DIPK2A: variants seen among roughly 807,000 people sequenced by gnomAD.
DIPK2A encodes divergent protein kinase domain 2A.
Under a neutral mutation model 39.0 loss-of-function variants are expected in DIPK2A, and 27 were observed. That is an observed-to-expected ratio of 0.69 (90% CI 0.51 to 0.96). The LOEUF is 0.96. Ranked by LOEUF, DIPK2A falls within the 40% of genes least tolerant of loss-of-function variation. The pLI, the probability that DIPK2A is intolerant of heterozygous loss-of-function variation, is 0.00. For synonymous variants in DIPK2A, 298 were observed against 240.8 expected, an observed-to-expected ratio of 1.24 and a Z score of -2.20; for missense variants, 528 against 571.3, an observed-to-expected ratio of 0.92 and a Z score of 0.77.
At chr3:143,988,256 G>A (rs2087933156) in intron 2 of DIPK2A, among the ~76,000 whole-genome samples, 1 of 151,968 alleles carries the variant, frequency 6.6e-6, no homozygotes, top group Non-Finnish European at 1.5e-5. Flanking sequence ...ATACCACCAT[G>A]CCTGGCTAAT....
chr3:143,985,867 T>A, intron 2 of DIPK2A, 21 bp downstream of exon 2: 1 of 1,552,362 alleles, frequency 6.4e-7, no homozygotes, highest in Non-Finnish European at 8.7e-7. Context: ...AATTTTAGAT[T>A]TTTTTCTACT....
At chr3:143,980,390 C>T (rs942810998) in intron 1 of DIPK2A, among the ~76,000 whole-genome samples, 1 of 152,118 alleles carries the variant, frequency 6.6e-6, no homozygotes, top group Non-Finnish European at 1.5e-5. Context: ...GCCTCAGCCT[C>T]CCGAGTAGCT....
At chr3:143,975,001 C>G (rs2087709332) in intron 1 of DIPK2A, among the ~76,000 whole-genome samples, 1 of 152,018 alleles carries the variant, frequency 6.6e-6, no homozygotes, top group Non-Finnish European at 1.5e-5. Flanking sequence ...TTTATCTGTT[C>G]TCATCTTTAG....
At chr3:143,978,376 A>T (rs1240362645) in intron 1 of DIPK2A, 1 of 152,314 alleles carries the variant, frequency 6.6e-6, no homozygotes, top group Non-Finnish European at 1.5e-5. Context: ...AGGTGATAGG[A>T]AGTTGTCTGT....
In DIPK2A at chr3:143,989,593, ATTCT is replaced by A; in HGVS notation, c.1048_1051del (p.Leu350ValfsTer72). 1 of 1,614,224 alleles carries A rather than the reference ATTCT, an allele frequency of 6.2e-7. No individual in the cohort carries two copies. The highest frequency in any genetic ancestry group is 8.5e-7 in the Non-Finnish European group (1 of 1,180,034). Reference sequence around the variant, plus strand: ...GGCTTGCTTATCATTTTCAAAAGAAATTCTTTGTGCTCGTGCCACTGTGGACCAC... The same window carrying A: ...GGCTTGCTTATCATTTTCAAAAGAAATTGTGCTCGTGCCACTGTGGACCAC... On this transcript the variant is annotated frameshift_variant, in exon 3 of 3. Transcript: ENST00000315691. LOFTEE classifies it high-confidence loss of function.
rs1312562351 is a variant in DIPK2A at position 143,990,476 on chromosome 3, C to T, written c.*635C>T. ...AGCTAAATATTACATTATGTAAATA[C>T]TTCTTTTCACCAACTTCTGTAGTTT... On this transcript the variant is annotated 3_prime_UTR_variant, in exon 3 of 3. Coordinates refer to ENST00000315691, the MANE Select transcript of DIPK2A (RefSeq NM_173552.5). 3.6e-5 allele frequency: 5 copies of T among 140,656 alleles called. No homozygotes were observed. The highest frequency in any genetic ancestry group is 7.2e-5 in the Admixed American group (1 of 13,814). The allele number at this position is 140,656 out of a possible 1,614,324, so 8.7% of individuals were successfully genotyped here.
At chr3:143,975,187 A>G (rs369353131) in intron 1 of DIPK2A, among the ~76,000 whole-genome samples, 18 of 152,258 alleles carry the variant, frequency 1.2e-4, no homozygotes, top group East Asian at 7.7e-4. Flanking sequence ...TTTTTAATTT[A>G]CACAACCCAG....
In DIPK2A at chr3:143,972,317, C is replaced by A; in HGVS notation, c.-16C>A. 1.5e-6 allele frequency: 2 copies of A among 1,346,748 alleles called. No individual in the cohort carries two copies. Among genetic ancestry groups the A allele is most frequent in the Non-Finnish European group, 9.5e-7 (1 of 1,054,318 alleles). 83.4% of individuals were successfully genotyped at this position (1,346,748 alleles called of 1,614,324 possible). A position where few individuals can be genotyped will look rare whatever the true frequency, so the allele number is the denominator to read the frequency against. ...CGGGGGTGCCCTCGCCCTCCCGTTG[C>A]GGGCGGGCGGGCGGTATGTGGCGCC... On this transcript the variant is annotated 5_prime_UTR_variant, in exon 1 of 3. Transcript: ENST00000315691.
intron 1 of DIPK2A, chr3:143,973,254 G>C (rs2087684350): frequency 2.5e-6 from 3 of 1,205,366 alleles, no homozygotes; most frequent in Non-Finnish European, 3.5e-6. Context: ...ACGCCAGAGG[G>C]AGTGCGTCTC....
At chr3:143,977,194 G>A (rs543268625) in intron 1 of DIPK2A, among the ~76,000 whole-genome samples, 3 of 152,042 alleles carry the variant, frequency 2.0e-5, no homozygotes, top group East Asian at 3.9e-4. Context: ...TTTAGCTAAC[G>A]GTACTTTAGA....
intron 2 of DIPK2A, among the ~76,000 whole-genome samples, chr3:143,987,094 A>G (rs2087913983): frequency 1.3e-5 from 2 of 152,126 alleles, no homozygotes; most frequent in Non-Finnish European, 2.9e-5. Flanking sequence ...TTGACTTGCC[A>G]TGTAGATCCT....
chr3:143,988,975 G>GCGT (rs1257460082), intron 2 of DIPK2A, among the ~76,000 whole-genome samples: 5 of 152,064 alleles, frequency 3.3e-5, no homozygotes, highest in African/African-American at 1.2e-4. Flanking sequence ...TATTTTTCTA[G>GCGT]CGTCACCTGT....
intron 1 of DIPK2A, chr3:143,978,616 C>CTATATATATATATA (rs59804208): frequency 7.9e-6 from 1 of 126,120 alleles, no homozygotes; most frequent in African/African-American, 2.9e-5. Context: ...ATATATATAT[C>CTATATATATATATA]TATATCTATA....
Position 143,972,087 on chromosome 3 carries a change from G to A in DIPK2A, c.-246G>A, listed in dbSNP as rs936381292. ...GGAGGCGCCGCCGGAGTCGGAGGGCGGGGAGCTAGGAGGAGGGAGCTCGAG... is the reference window on the plus strand; with the variant it reads ...GGAGGCGCCGCCGGAGTCGGAGGGCAGGGAGCTAGGAGGAGGGAGCTCGAG... On this transcript the variant is annotated 5_prime_UTR_variant, in exon 1 of 3. Coordinates refer to ENST00000315691, the MANE Select transcript of DIPK2A (RefSeq NM_173552.5). 1.0e-5 allele frequency: 4 copies of A among 386,366 alleles called. No homozygotes were observed. In the Middle Eastern group the frequency reaches 1.9e-3, roughly 186 times the overall value. The allele number at this position is 386,366 out of a possible 1,614,324, so 23.9% of individuals were successfully genotyped here. A position where few individuals can be genotyped will look rare whatever the true frequency, so the allele number is the denominator to read the frequency against.
At chr3:143,987,488 CTCTG>C (rs1308951874) in intron 2 of DIPK2A, among the ~76,000 whole-genome samples, 2 of 152,170 alleles carry the variant, frequency 1.3e-5, no homozygotes, top group African/African-American at 4.8e-5. Flanking sequence ...TTGCAAAAGT[CTCTG>C]TCTGTTCATT....
intron 1 of DIPK2A, among the ~76,000 whole-genome samples, chr3:143,983,903 A>G (rs2087862015): frequency 6.6e-6 from 1 of 150,436 alleles, no homozygotes; most frequent in Non-Finnish European, 1.5e-5. Context: ...AGGCTGTTTC[A>G]TCTACATTGA....
At chr3:143,987,050 T>G (rs2087913421) in intron 2 of DIPK2A, among the ~76,000 whole-genome samples, 1 of 152,182 alleles carries the variant, frequency 6.6e-6, no homozygotes, top group Admixed American at 6.5e-5. Flanking sequence ...TTTTTCAGAT[T>G]TTATACTTAC....
chr3:143,972,491 T>A lies in DIPK2A; in HGVS notation c.159T>A (p.Asn53Lys), dbSNP rs2087666593. 1 of 1,609,508 alleles carries A rather than the reference T, an allele frequency of 6.2e-7. No homozygotes were observed. Among genetic ancestry groups the A allele is most frequent in the Non-Finnish European group, 8.5e-7 (1 of 1,177,956 alleles). The change falls in exon 1 of 3, where the codon AAT (asparagine) becomes AAA (lysine). Residue 53 changes from asparagine (N) to lysine (K), a missense_variant. By Grantham distance (94) the Asn-to-Lys change is moderately conservative. This residue lies in a region of DIPK2A where 309 missense variants were observed against 289.8 expected (regional missense o/e 1.07). Transcript: ENST00000315691. ...ELTDRRFLQL[N>K]KCPACFGTSW... The stretch of plus-strand genomic sequence containing the variant: ...CCGACCGGCGCTTCCTGCAGCTCAA[T>A]AAGTGCCCGGCGTGCTTCGGCACGA...
chr3:143,972,787 A>G lies in DIPK2A; in HGVS notation c.455A>G (p.Asp152Gly). The G allele has an allele frequency of 6.4e-7, 1 of 1,568,778 alleles. No homozygotes were observed. Among genetic ancestry groups the G allele is most frequent in the Non-Finnish European group, 8.6e-7 (1 of 1,161,084 alleles). ...PRTEFARLNG[D>G]VRLLTPEAVE... ...ACCGAGTTCGCGCGCCTCAACGGCG[A>G]CGTGCGTCTGCTCACGCCCGAGGCG... The change falls in exon 1 of 3, where the codon GAC becomes GGC. Residue 152 changes from aspartate to glycine, a missense_variant. Coordinates refer to ENST00000315691, the MANE Select transcript of DIPK2A (RefSeq NM_173552.5).
Sources: gnomAD v4.1 joint callset for allele counts (sites outside exome capture counted in the v4.1 genomes callset) on GRCh38, gnomAD v4.1.1 for gene constraint, gnomAD v4.1.1 regional missense constraint, MANE v1.5 for transcripts, NCBI Gene and HGNC (gene_info 2026-07-23, HGNC 2026-07-21) for gene names.